EDEM2: variants seen among roughly 807,000 people sequenced by gnomAD.
The protein encoded by EDEM2 is ER degradation-enhancing alpha-mannosidase-like protein 2.
EDEM2 carries 39 observed loss-of-function variants against 64.8 expected under a neutral mutation model. That is an observed-to-expected ratio of 0.60 (90% CI 0.47 to 0.79). The LOEUF is 0.79. Among genes scored for constraint, EDEM2 ranks in the 30% least tolerant of loss-of-function variants. EDEM2 has a pLI of 0.00. For missense variants in EDEM2, 609 were observed against 731.3 expected (o/e 0.83, Z 1.93); for synonymous variants, 296 against 291.5 (o/e 1.02, Z -0.16).
chr20:35,118,553 C>T (rs554789483), intron 10 of EDEM2, 45 bp downstream of exon 10: 47 of 1,612,478 alleles, frequency 2.9e-5, no homozygotes, highest in Non-Finnish European at 3.9e-5. Context: ...TTTTTAGCAG[C>T]AAGGGGAGAC....
In EDEM2 at chr20:35,131,792, G is replaced by C. The variant is rs2085509250; in HGVS notation, c.703-9C>G. ...TCAATGTGGTTGCCGACCTGAGAGA[G>C]AGAAAGACACACGGTCCCAACGGGA... On this transcript the variant is annotated splice_polypyrimidine_tract_variant and intron_variant, in intron 6 of 10. Transcript: ENST00000374492. The C allele has an allele frequency of 5.6e-6, 9 of 1,612,884 alleles. No individual in the cohort carries two copies. Among genetic ancestry groups the C allele is most frequent in the Admixed American group, 5.0e-5 (3 of 59,886 alleles).
At chr20:35,119,705 C>A (rs1389450684) in intron 9 of EDEM2, among the ~76,000 whole-genome samples, 2 of 152,140 alleles carry the variant, frequency 1.3e-5, no homozygotes, top group Non-Finnish European at 2.9e-5. Context: ...TTTTGTCTTG[C>A]CCAATTCTAT....
In EDEM2 at chr20:35,134,804, C is replaced by G. The variant is rs776809556; in HGVS notation, c.636G>C (p.Pro212=). The change falls in exon 6 of 11, where the codon CCG becomes CCC. Residue 212 remains proline, a synonymous_variant. Transcript: ENST00000374492. The part of the protein sequence containing the change: ...FATLSSLTGD[P]VFEDVARVAL... ...CCACTCTGGCCACATCTTCGAACAC[C>G]GGGTCACCAGTGAGGCTGCTCAGGG... The G allele has an allele frequency of 1.9e-6, 3 of 1,614,076 alleles. No homozygotes were observed. The African/African-American group carries it at 4.0e-5, about 22-fold the overall frequency.
chr20:35,135,420 G>A (rs961649913), intron 5 of EDEM2, among the ~76,000 whole-genome samples: 3 of 152,166 alleles, frequency 2.0e-5, no homozygotes, highest in East Asian at 3.9e-4. Flanking sequence ...GGTGGCCAAG[G>A]CAGGCAGATC....
chr20:35,128,823 A>C (rs2146098165), intron 7 of EDEM2, among the ~76,000 whole-genome samples: 1 of 149,776 alleles, frequency 6.7e-6, no homozygotes, highest in East Asian at 1.9e-4. Flanking sequence ...TAAAAACAGA[A>C]AAAAACTTAG....
chr20:35,135,565 C>T (rs1227017470), intron 5 of EDEM2, among the ~76,000 whole-genome samples: 1 of 152,142 alleles, frequency 6.6e-6, no homozygotes, highest in African/African-American at 2.4e-5. Flanking sequence ...GCACGAGAAT[C>T]GTTTGAACCC....
At chr20:35,125,253 T>A (rs1484722788) in intron 8 of EDEM2, among the ~76,000 whole-genome samples, 1 of 150,850 alleles carries the variant, frequency 6.6e-6, no homozygotes, top group African/African-American at 2.4e-5. Context: ...CAGGCTGCAA[T>A]GGCATGATCA....
At chr20:35,141,015 G>A (rs938332471) in intron 4 of EDEM2, among the ~76,000 whole-genome samples, 2 of 150,992 alleles carry the variant, frequency 1.3e-5, no homozygotes, top group African/African-American at 4.9e-5. Flanking sequence ...AGCTACATAG[G>A]AGGCTGAGAC....
intron 7 of EDEM2, among the ~76,000 whole-genome samples, chr20:35,129,234 C>T (rs1458494105): frequency 6.6e-6 from 1 of 152,120 alleles, no homozygotes; most frequent in Non-Finnish European, 1.5e-5. Flanking sequence ...CAGTGAAACC[C>T]CATCTCTACT....
chr20:35,131,596 A>G, intron 7 of EDEM2, 46 bp downstream of exon 7: 2 of 1,597,524 alleles, frequency 1.3e-6, no homozygotes, highest in African/African-American at 1.3e-5. Context: ...ATCACACATC[A>G]GCAAGAAAAA....
chr20:35,119,384 C>T (rs2085343889), intron 9 of EDEM2, among the ~76,000 whole-genome samples: 1 of 152,056 alleles, frequency 6.6e-6, no homozygotes, highest in Non-Finnish European at 1.5e-5. Flanking sequence ...CGTTTGAACC[C>T]AGGAGTTTGA....
intron 5 of EDEM2, among the ~76,000 whole-genome samples, chr20:35,137,134 G>A (rs1386755746): frequency 6.6e-6 from 1 of 152,104 alleles, no homozygotes; most frequent in Non-Finnish European, 1.5e-5. Flanking sequence ...ACTGTGGAGA[G>A]AGGCCAGACA....
rs2085741616 is a variant in EDEM2, at chr20:35,146,919, T to C, written c.124A>G (p.Met42Val). ...TAGCTGTCGTAGGCGTGGTAGAACATGGCCTTGACTCGCTCCCTGGGTGGG... is the reference window on the plus strand; with the variant it reads ...TAGCTGTCGTAGGCGTGGTAGAACACGGCCTTGACTCGCTCCCTGGGTGGG... ...PAHYRERVKA[M>V]FYHAYDSYLE... is the part of the protein sequence containing the mutation. The change falls in exon 2 of 11, where the codon ATG becomes GTG. Residue 42 changes from methionine (M) to valine (V), a missense_variant. By Grantham distance (21) the Met-to-Val change is conservative. Coordinates refer to ENST00000374492, the MANE Select transcript of EDEM2 (RefSeq NM_018217.3). 1.2e-6 allele frequency: 2 copies of C among 1,613,778 alleles called. No homozygotes were observed. The highest frequency in any genetic ancestry group is 1.3e-5 in the African/African-American group (1 of 74,888).
At chr20:35,116,001 C>T in intron 10 of EDEM2, 68 bp from the exon 11 acceptor site, 1 of 1,537,782 alleles carries the variant, frequency 6.5e-7, no homozygotes, top group Non-Finnish European at 8.8e-7. Context: ...CAGGCAATCC[C>T]TTAAGAAGGC....
At chr20:35,131,010 T>C (rs11907524) in intron 7 of EDEM2, among the ~76,000 whole-genome samples, 13,333 of 152,192 alleles carry the variant, frequency 0.088, 1,947 homozygotes, top group African/African-American at 0.31. Flanking sequence ...TCAAGCTACT[T>C]CCTGGGCAAG....
At chr20:35,146,002 CAAAAAAAAAAA>C (rs138113879) in intron 2 of EDEM2, among the ~76,000 whole-genome samples, 2 of 82,818 alleles carry the variant, frequency 2.4e-5, no homozygotes, top group Non-Finnish European at 4.8e-5. Flanking sequence ...AACTCCATCT[CAAAAAAAAAAA>C]AAAAAAAAAA....
Position 35,147,287 on chromosome 20 carries a change from AGCAGCAGCAGCCACT to A in EDEM2, c.-44_-30del. ...GCTCGTGTCCTCTCAGCGCCCCCGC[AGCAGCAGCAGCCACT>A]GCAACCAGTTCATCCTGGGAGCTGC... On this transcript the variant is annotated 5_prime_UTR_variant, in exon 1 of 11. Transcript: ENST00000374492. 6.8e-7 allele frequency: 1 copy of A among 1,465,096 alleles called. No homozygotes were observed. The highest frequency in any genetic ancestry group is 1.4e-5 in the South Asian group (1 of 71,620). The allele number at this position is 1,465,096 out of a possible 1,614,324, so 90.8% of individuals were successfully genotyped here.
At chr20:35,120,489 T>G (rs2085355027) in intron 9 of EDEM2, among the ~76,000 whole-genome samples, 1 of 152,050 alleles carries the variant, frequency 6.6e-6, no homozygotes, top group Non-Finnish European at 1.5e-5. Context: ...AGGCACAGAC[T>G]AGGGTACATT....
chr20:35,139,507 G>A lies in EDEM2; in HGVS notation c.365-1502C>T, dbSNP rs140979771. On this transcript the variant is annotated intron_variant, in intron 4 of 10. Coordinates refer to ENST00000374492, the MANE Select transcript of EDEM2 (RefSeq NM_018217.3). Reference sequence around the variant, plus strand: ...CTATTAAAAATACAAAAAATTAGCCGGGCATGGCGTTGTGCGCCTGTAGTC... The same window carrying A: ...CTATTAAAAATACAAAAAATTAGCCAGGCATGGCGTTGTGCGCCTGTAGTC... 1.2e-3 allele frequency among the ~76,000 whole-genome samples: 179 copies of A among 151,450 alleles called. 1 individual carries two copies. The highest frequency in any genetic ancestry group is 4.2e-3 in the African/African-American group (174 of 41,284).
Sources: gnomAD v4.1 joint callset for allele counts (sites outside exome capture counted in the v4.1 genomes callset) on GRCh38, gnomAD v4.1.1 for gene constraint, MANE v1.5 for transcripts, NCBI Gene and HGNC (gene_info 2026-07-23, HGNC 2026-07-21) for gene names.